Variants in PKP4 observed in about 807,000 individuals in gnomAD.
The protein encoded by PKP4 is plakophilin 4.
Under a neutral mutation model 145.1 loss-of-function variants are expected in PKP4, and 90 were observed. The ratio of observed to expected loss-of-function variants is 0.62; its 90% CI spans 0.52 to 0.74. The LOEUF (loss-of-function observed/expected upper bound fraction) is 0.74, where lower values mean the gene tolerates loss of function less well. Among genes scored for constraint, PKP4 ranks in the 30% least tolerant of loss-of-function variants. The probability of loss-of-function intolerance (pLI) is 0.00; values close to 1 mark genes in which losing one functional copy is unlikely to be tolerated. For missense variants in PKP4, 1,340 were observed against 1,482.7 expected (o/e 0.90, Z 1.58); for synonymous variants, 563 against 577.2 (o/e 0.98, Z 0.35).
chr2:158,664,187 G>A (rs148465241), intron 15 of PKP4, among the ~76,000 whole-genome samples: 388 of 152,318 alleles, frequency 2.5e-3, no homozygotes, highest in Middle Eastern at 6.8e-3. Flanking sequence ...TTGGATTTGG[G>A]AGCCAGTGCA....
intron 1 of PKP4, among the ~76,000 whole-genome samples, chr2:158,466,687 A>G (rs1230003454): frequency 6.6e-6 from 1 of 152,224 alleles, no homozygotes; most frequent in Non-Finnish European, 1.5e-5. Flanking sequence ...CCTGGGTGAC[A>G]GAGCGAAACT....
intron 2 of PKP4, among the ~76,000 whole-genome samples, chr2:158,576,489 G>C (rs1363072412): frequency 1.3e-5 from 2 of 152,106 alleles, no homozygotes; most frequent in Non-Finnish European, 2.9e-5. Flanking sequence ...AACATGACAT[G>C]TTTTCTACTT....
intron 2 of PKP4, among the ~76,000 whole-genome samples, chr2:158,546,501 A>C (rs984395004): frequency 2.0e-5 from 3 of 152,186 alleles, no homozygotes; most frequent in Non-Finnish European, 4.4e-5. Context: ...TGTCCTTCTC[A>C]GTACACAGGA....
intron 4 of PKP4, among the ~76,000 whole-genome samples, chr2:158,612,584 C>T (rs2051239163): frequency 6.6e-6 from 1 of 151,844 alleles, no homozygotes; most frequent in African/African-American, 2.4e-5. Context: ...AATTTATGCT[C>T]CTACTGATAG....
At chr2:158,632,238 T>C (rs915174009) in intron 8 of PKP4, among the ~76,000 whole-genome samples, 7 of 152,230 alleles carry the variant, frequency 4.6e-5, no homozygotes, top group Admixed American at 3.3e-4. Flanking sequence ...GCATATTCAG[T>C]ATCAAAAGGA....
chr2:158,673,698 G>A lies in PKP4; in HGVS notation c.2946G>A (p.Lys982=). The A allele has an allele frequency of 6.2e-7, 1 of 1,612,828 alleles. No individual in the cohort carries two copies. The highest frequency in any genetic ancestry group is 8.5e-7 in the Non-Finnish European group (1 of 1,179,442). ...CTAGATCATCTCTGAAAGTGGTGAAGGCAGCAGCCCAGGTCTTGAATACAT... is the reference window on the plus strand; with the variant it reads ...CTAGATCATCTCTGAAAGTGGTGAAAGCAGCAGCCCAGGTCTTGAATACAT... ...RGDRSSLKVV[K]AAAQVLNTLW... Residue 982 remains lysine, a synonymous_variant, in exon 18 of 22, where the codon AAG becomes AAA. Transcript: ENST00000389759.
At chr2:158,609,272 A>G (rs1488120007) in intron 4 of PKP4, among the ~76,000 whole-genome samples, 1 of 152,188 alleles carries the variant, frequency 6.6e-6, no homozygotes, top group Admixed American at 6.5e-5. Context: ...TGAAGATAAT[A>G]TGAAAATCAT....
chr2:158,634,726 A>T (rs189047706), intron 9 of PKP4, among the ~76,000 whole-genome samples: 13 of 152,356 alleles, frequency 8.5e-5, no homozygotes, highest in Non-Finnish European at 1.9e-4. Context: ...GTTTTCAATC[A>T]TAGTGGTCAA....
At chr2:158,668,311 G>A (rs2057285931) in intron 16 of PKP4, among the ~76,000 whole-genome samples, 1 of 151,870 alleles carries the variant, frequency 6.6e-6, no homozygotes, top group Admixed American at 6.6e-5. Context: ...CAGTACTTCA[G>A]TTCCTAGGAA....
intron 11 of PKP4, among the ~76,000 whole-genome samples, chr2:158,647,991 A>G (rs1388692627): frequency 6.6e-6 from 1 of 152,232 alleles, no homozygotes; most frequent in Non-Finnish European, 1.5e-5. Flanking sequence ...GAGCCTCCTG[A>G]AAACATCATT....
intron 1 of PKP4, among the ~76,000 whole-genome samples, chr2:158,521,790 T>C (rs2042393708): frequency 1.3e-5 from 2 of 152,228 alleles, no homozygotes; most frequent in African/African-American, 4.8e-5. Context: ...TCATTATAAG[T>C]AAAACAAAGA....
At chr2:158,538,417 G>A (rs2044242589) in intron 2 of PKP4, among the ~76,000 whole-genome samples, 2 of 151,790 alleles carry the variant, frequency 1.3e-5, no homozygotes, top group Non-Finnish European at 1.5e-5. Context: ...TTGATTTCTG[G>A]TTTTGTAGAA....
chr2:158,573,386 G>A (rs1404380589), intron 2 of PKP4, among the ~76,000 whole-genome samples: 1 of 152,074 alleles, frequency 6.6e-6, no homozygotes, highest in Non-Finnish European at 1.5e-5. Flanking sequence ...CCAAATTTAG[G>A]GTAATGATTC....
intron 1 of PKP4, among the ~76,000 whole-genome samples, chr2:158,521,012 C>T (rs530568618): frequency 1.3e-5 from 2 of 152,182 alleles, no homozygotes; most frequent in African/African-American, 4.8e-5. Flanking sequence ...TTGTTAGCAA[C>T]CTATCGCCTT....
chr2:158,657,220 A>T (rs1164607316), intron 11 of PKP4, among the ~76,000 whole-genome samples: 1 of 152,160 alleles, frequency 6.6e-6, no homozygotes, highest in Non-Finnish European at 1.5e-5. Context: ...CTGATGTGAA[A>T]ATGACATTAG....
chr2:158,545,744 A>G (rs970897108), intron 2 of PKP4, among the ~76,000 whole-genome samples: 2 of 152,200 alleles, frequency 1.3e-5, no homozygotes, highest in Non-Finnish European at 2.9e-5. Context: ...TCACATGTGT[A>G]TTGCATAATT....
intron 2 of PKP4, among the ~76,000 whole-genome samples, chr2:158,534,612 A>G (rs897699617): frequency 1.3e-5 from 2 of 152,226 alleles, no homozygotes; most frequent in African/African-American, 4.8e-5. Context: ...GGCTCTTAGT[A>G]TATACTGTGT....
At chr2:158,464,439 C>T (rs2193707) in intron 1 of PKP4, among the ~76,000 whole-genome samples, 96,529 of 152,030 alleles carry the variant, frequency 0.63, 31,315 homozygotes, top group East Asian at 0.87. Flanking sequence ...AAAGTTTCTC[C>T]TAGACCCTGT....
At chr2:158,575,011 A>C (rs1285914582) in intron 2 of PKP4, among the ~76,000 whole-genome samples, 1 of 152,266 alleles carries the variant, frequency 6.6e-6, no homozygotes, top group Non-Finnish European at 1.5e-5. Context: ...TGGCTAATTA[A>C]GCAGAAAAGG....
Sources: allele counts gnomAD v4.1 joint callset (sites outside exome capture counted in the v4.1 genomes callset), GRCh38; gene constraint gnomAD v4.1.1; transcripts MANE v1.5; gene names NCBI Gene and HGNC (gene_info 2026-07-23, HGNC 2026-07-21).